The following LRBA variants were observed in gnomAD, a reference collection of about 807,000 sequenced individuals.
LRBA encodes the protein lipopolysaccharide-responsive and beige-like anchor protein.
In LRBA, 176 loss-of-function variants were observed where a neutral mutation model predicts 330.0. The ratio of observed to expected loss-of-function variants is 0.53; its 90% CI spans 0.47 to 0.60. The LOEUF (loss-of-function observed/expected upper bound fraction) is 0.60, where lower values mean the gene tolerates loss of function less well. Ranked by LOEUF, LRBA falls within the 20% of genes least tolerant of loss-of-function variation. The pLI is 0.00. For missense variants in LRBA, 3,259 were observed against 3,444.8 expected, an observed-to-expected ratio of 0.95 and a Z score of 1.35; for synonymous variants, 1,230 against 1,193.0, an observed-to-expected ratio of 1.03 and a Z score of -0.64.
At chr4:150,380,023 A>T in intron 47 of LRBA, among the ~76,000 whole-genome samples, 1 of 107,342 alleles carries the variant, frequency 9.3e-6, no homozygotes, top group East Asian at 2.9e-4. Context: ...AAAAAAAAAA[A>T]AAAAAATTAG....
chr4:150,817,644 T>G (rs905954749), intron 30 of LRBA, among the ~76,000 whole-genome samples: 2 of 144,604 alleles, frequency 1.4e-5, no homozygotes, highest in African/African-American at 5.0e-5. Context: ...CTTATAAGCT[T>G]AAAAAAAAAA....
chr4:150,449,958 A>G (rs1753144017), intron 44 of LRBA, among the ~76,000 whole-genome samples: 1 of 152,196 alleles, frequency 6.6e-6, no homozygotes, highest in Admixed American at 6.5e-5. Flanking sequence ...AAATTACATT[A>G]AATGTAAATG....
chr4:150,279,535 G>A (rs1747239074), intron 55 of LRBA, among the ~76,000 whole-genome samples: 1 of 152,158 alleles, frequency 6.6e-6, no homozygotes, highest in Non-Finnish European at 1.5e-5. Flanking sequence ...TTCTAGCATA[G>A]CTGCCTTAAG....
chr4:150,950,677 G>A (rs1418255975), intron 2 of LRBA, among the ~76,000 whole-genome samples: 1 of 152,092 alleles, frequency 6.6e-6, no homozygotes, highest in African/African-American at 2.4e-5. Flanking sequence ...ATTAACAATA[G>A]GGAAATAAAC....
At chr4:150,371,062 T>G (rs1740210395) in intron 47 of LRBA, among the ~76,000 whole-genome samples, 1 of 152,084 alleles carries the variant, frequency 6.6e-6, no homozygotes, top group African/African-American at 2.4e-5. Context: ...ATTAACACAT[T>G]TAATTAATTA....
chr4:150,455,099 A>G (rs1374665311), intron 44 of LRBA, among the ~76,000 whole-genome samples: 1 of 150,644 alleles, frequency 6.6e-6, no homozygotes, highest in Non-Finnish European at 1.5e-5. Flanking sequence ...AGCATTAGGT[A>G]TATCTCCCAA....
chr4:150,761,375 A>G (rs1582269089), intron 35 of LRBA, among the ~76,000 whole-genome samples: 2 of 152,114 alleles, frequency 1.3e-5, no homozygotes, highest in African/African-American at 4.8e-5. Flanking sequence ...ACCACATCAC[A>G]TTGCGAAACT....
intron 40 of LRBA, among the ~76,000 whole-genome samples, chr4:150,555,153 A>T (rs1231875475): frequency 6.6e-6 from 1 of 152,100 alleles, no homozygotes; most frequent in Non-Finnish European, 1.5e-5. Context: ...AAAACAGGTG[A>T]CTCCAATATC....
At chr4:151,015,384 T>C (rs1318684842), upstream of LRBA, 1 of 150,040 alleles carries the variant, frequency 6.7e-6, no homozygotes, top group East Asian at 2.0e-4. Context: ...GGTGGGGAGG[T>C]GTGTGTGGTG....
At chr4:150,917,067 G>A (rs1301124031) in intron 5 of LRBA, among the ~76,000 whole-genome samples, 3 of 151,806 alleles carry the variant, frequency 2.0e-5, no homozygotes, top group South Asian at 2.1e-4. Flanking sequence ...ACAGGAGAAC[G>A]GCGTGAACCC....
At position 150,356,582 on chromosome 4, in the gene LRBA, A is replaced by G. The variant is rs533823515; in HGVS notation, c.7195-6423T>C. 1.1e-4 allele frequency among the ~76,000 whole-genome samples: 17 copies of G among 152,188 alleles called. 1 individual carries two copies. The South Asian group carries it at 3.5e-3, about 32-fold the overall frequency. On this transcript the variant is annotated intron_variant, in intron 47 of 56. Coordinates refer to ENST00000651943, the MANE Select transcript of LRBA (RefSeq NM_001364905.1). ...TTCTAACAAAGGTCACAGAAAATTAACATTTTTTCATATTGGTTGGATATA... is the reference window on the plus strand; with the variant it reads ...TTCTAACAAAGGTCACAGAAAATTAGCATTTTTTCATATTGGTTGGATATA...
At chr4:150,593,716 CAACTA>C in intron 38 of LRBA, among the ~76,000 whole-genome samples, 1 of 152,056 alleles carries the variant, frequency 6.6e-6, no homozygotes, top group South Asian at 2.1e-4. Flanking sequence ...ACATCAGAAA[CAACTA>C]AACACCCTGC....
chr4:150,808,446 TGAA>T, intron 31 of LRBA, 48 bp from the exon 32 acceptor site: 1 of 1,042,066 alleles, frequency 9.6e-7, no homozygotes, highest in Non-Finnish European at 1.5e-6. Context: ...CTTTTAGATA[TGAA>T]GATTTAAATA....
chr4:150,662,001 A>G (rs1020127203), intron 37 of LRBA, among the ~76,000 whole-genome samples: 2 of 152,188 alleles, frequency 1.3e-5, no homozygotes, highest in Admixed American at 6.5e-5. Context: ...ATTAAGCTAT[A>G]TCAAAAATTT....
chr4:150,272,856 G>A (rs1419769035), intron 56 of LRBA, among the ~76,000 whole-genome samples: 3 of 152,196 alleles, frequency 2.0e-5, no homozygotes, highest in East Asian at 1.9e-4. Context: ...AAGGTGACAG[G>A]GAGAATGGAA....
Position 151,007,579 on chromosome 4 carries a change from C to T in LRBA, c.216+6848G>A, listed in dbSNP as rs548838284. On this transcript the variant is annotated intron_variant, in intron 2 of 56. Coordinates refer to ENST00000651943, the MANE Select transcript of LRBA (RefSeq NM_001364905.1). Reference sequence around the variant, plus strand: ...CACATACAAAATAATGAATGTAGGCCGGGCGCGGTGTCTCACATCTGTAAT... The same window carrying T: ...CACATACAAAATAATGAATGTAGGCTGGGCGCGGTGTCTCACATCTGTAAT... Among the ~76,000 whole-genome samples, 7 of 151,626 alleles carry T rather than the reference C, an allele frequency of 4.6e-5. No individual in the cohort carries two copies. The South Asian group carries it at 6.3e-4, about 14-fold the overall frequency.
Position 150,852,960 on chromosome 4 carries a change from C to T in LRBA, c.2767-17G>A. ...AAAAGTGACCTAGGTGAAAAATGTA[C>T]AATCAGTTAAAATATGCATGAGAAA... On this transcript the variant is annotated splice_polypyrimidine_tract_variant and intron_variant, in intron 22 of 56. Transcript: ENST00000651943. 6.7e-7 allele frequency: 1 copy of T among 1,497,392 alleles called. No homozygotes were observed. The highest frequency in any genetic ancestry group is 9.0e-7 in the Non-Finnish European group (1 of 1,116,142). The allele number at this position is 1,497,392 out of a possible 1,614,324, so 92.8% of individuals were successfully genotyped here.
At chr4:150,286,077 C>T (rs1021386661) in intron 53 of LRBA, 43 bp from the exon 54 acceptor site, 6 of 1,276,376 alleles carry the variant, frequency 4.7e-6, no homozygotes, top group Non-Finnish European at 6.6e-6. Flanking sequence ...AATTCAATTT[C>T]ATGCATATTA....
chr4:150,773,363 G>A (rs1736837324), intron 34 of LRBA, among the ~76,000 whole-genome samples: 1 of 152,206 alleles, frequency 6.6e-6, no homozygotes, highest in African/African-American at 2.4e-5. Flanking sequence ...TTATTGACAA[G>A]TATGGAGAAA....
Sources: allele counts gnomAD v4.1 joint callset (sites outside exome capture counted in the v4.1 genomes callset), GRCh38; gene constraint gnomAD v4.1.1; transcripts MANE v1.5; gene names NCBI Gene and HGNC (gene_info 2026-07-23, HGNC 2026-07-21).